Variants in PAPSS2 observed in about 807,000 individuals in gnomAD.
PAPSS2 encodes 3'-phosphoadenosine 5'-phosphosulfate synthase 2.
Under a neutral mutation model 66.5 loss-of-function variants are expected in PAPSS2, and 61 were observed. The observed-to-expected ratio is 0.92, with a 90% CI of 0.75 to 1.14. The LOEUF (loss-of-function observed/expected upper bound fraction) is 1.14. Among genes scored for constraint, PAPSS2 ranks in the 50% most tolerant of loss-of-function variants. The pLI is 0.00. For missense variants in PAPSS2, 708 were observed against 789.6 expected (o/e 0.90, Z 1.24); for synonymous variants, 289 against 287.5 (o/e 1.01, Z -0.05).
intron 1 of PAPSS2, among the ~76,000 whole-genome samples, chr10:87,690,761 C>T (rs778974014): frequency 7.9e-5 from 12 of 152,138 alleles, no homozygotes; most frequent in Non-Finnish European, 1.6e-4. Context: ...TAACTAAGAG[C>T]CAGACCCTGT....
intron 1 of PAPSS2, among the ~76,000 whole-genome samples, chr10:87,694,596 C>G (rs982022803): frequency 1.3e-5 from 2 of 152,130 alleles, no homozygotes; most frequent in Non-Finnish European, 2.9e-5. Flanking sequence ...ATAAACAGAC[C>G]TGCTGCTGAG....
At chr10:87,697,206 T>C (rs1361259030) in intron 1 of PAPSS2, among the ~76,000 whole-genome samples, 1 of 152,074 alleles carries the variant, frequency 6.6e-6, no homozygotes, top group Non-Finnish European at 1.5e-5. Flanking sequence ...TGTTTTCTGG[T>C]GATTAGAATA....
At chr10:87,681,883 T>A (rs1853026073) in intron 1 of PAPSS2, among the ~76,000 whole-genome samples, 1 of 152,246 alleles carries the variant, frequency 6.6e-6, no homozygotes, top group Non-Finnish European at 1.5e-5. Context: ...TACTTCATAC[T>A]TTTTATGGCT....
chr10:87,666,080 C>T (rs115615121), intron 1 of PAPSS2, among the ~76,000 whole-genome samples: 2,215 of 151,652 alleles, frequency 0.015, 62 homozygotes, highest in African/African-American at 0.05. Flanking sequence ...TCTCACGCCT[C>T]GGCCTCCCTA....
rs560241284 is a variant in PAPSS2 at position 87,678,231 on chromosome 10, T to C, written c.27+18223T>C. On this transcript the variant is annotated intron_variant, in intron 1 of 12. Transcript: ENST00000456849. ...CTTCAATAAATGGTGCTGGGAAAAT[T>C]GACGATCCATACACAGAAGATTGAA... 3.0e-4 allele frequency among the ~76,000 whole-genome samples: 45 copies of C among 152,248 alleles called. No individual in the cohort carries two copies. The South Asian group carries it at 9.3e-3, about 32-fold the overall frequency.
intron 1 of PAPSS2, chr10:87,704,088 A>T (rs1201133674): frequency 2.1e-6 from 1 of 468,496 alleles, no homozygotes; most frequent in East Asian, 5.9e-5. Context: ...TATAATTCAA[A>T]ATATCTGCTT....
intron 7 of PAPSS2, among the ~76,000 whole-genome samples, chr10:87,720,733 G>T (rs905129328): frequency 7.3e-5 from 9 of 123,976 alleles, no homozygotes; most frequent in Non-Finnish European, 1.5e-4. Context: ...TGTCTACTCA[G>T]TCCAAAAGCC....
intron 4 of PAPSS2, 34 bp from the exon 5 acceptor site, chr10:87,714,711 C>A: frequency 8.8e-7 from 1 of 1,134,452 alleles, no homozygotes; most frequent in Non-Finnish European, 1.3e-6. Context: ...TCTGTCAATA[C>A]AGATGCGATG....
chr10:87,698,311 T>C (rs182666741), intron 1 of PAPSS2, among the ~76,000 whole-genome samples: 1 of 152,350 alleles, frequency 6.6e-6, no homozygotes, highest in Admixed American at 6.5e-5. Context: ...AAGAAAATGA[T>C]AATTTTTGGT....
At chr10:87,693,386 C>T (rs1853194805) in intron 1 of PAPSS2, among the ~76,000 whole-genome samples, 1 of 152,158 alleles carries the variant, frequency 6.6e-6, no homozygotes, top group Non-Finnish European at 1.5e-5. Context: ...TTTAATTGTT[C>T]CCCAGCAGAG....
chr10:87,745,715 G>C, intron 12 of PAPSS2, 117 bp from the exon 13 acceptor site: 1 of 1,007,752 alleles, frequency 9.9e-7, no homozygotes. Flanking sequence ...GCCCACTTTT[G>C]AAGATGCAGC....
chr10:87,730,810 G>T (rs1003696363), intron 9 of PAPSS2, among the ~76,000 whole-genome samples: 6 of 152,176 alleles, frequency 3.9e-5, no homozygotes, highest in African/African-American at 9.7e-5. Context: ...TTCTATGAAG[G>T]TTGAGAGAGG....
intron 1 of PAPSS2, chr10:87,660,238 CT>C: frequency 1.6e-6 from 1 of 608,346 alleles, no homozygotes; most frequent in Non-Finnish European, 2.9e-6. Context: ...ATCTGCGCTC[CT>C]TGGGGTCGCC....
chr10:87,669,609 GTTAT>G (rs1440431837), intron 1 of PAPSS2, among the ~76,000 whole-genome samples: 1 of 152,160 alleles, frequency 6.6e-6, no homozygotes, highest in Non-Finnish European at 1.5e-5. Context: ...TGGAATGTGC[GTTAT>G]TTATCTGAAG....
intron 9 of PAPSS2, among the ~76,000 whole-genome samples, chr10:87,736,263 CTTTTT>C (rs10553485): frequency 3.9e-5 from 4 of 103,250 alleles, no homozygotes; most frequent in African/African-American, 1.5e-4. Flanking sequence ...TTCTTTCTTT[CTTTTT>C]TTTTTTTTTT....
At chr10:87,706,534 A>G (rs1853392290) in intron 1 of PAPSS2, among the ~76,000 whole-genome samples, 1 of 150,240 alleles carries the variant, frequency 6.7e-6, no homozygotes, top group Non-Finnish European at 1.5e-5. Context: ...AGGTGGGAGT[A>G]TCACTTGGGC....
chr10:87,724,755 T>C (rs892530822), intron 8 of PAPSS2, among the ~76,000 whole-genome samples: 1 of 149,208 alleles, frequency 6.7e-6, no homozygotes, highest in East Asian at 1.9e-4. Flanking sequence ...AATTATATAA[T>C]ATTTCTGATA....
At position 87,699,723 on chromosome 10, in the gene PAPSS2, G is replaced by A. The variant is rs55932093; in HGVS notation, c.28-9473G>A. Among the ~76,000 whole-genome samples the A allele has an allele frequency of 2.3e-3, 352 of 151,186 alleles. 2 individuals are homozygous for A. Among genetic ancestry groups the A allele is most frequent in the African/African-American group, 7.6e-3 (312 of 41,120 alleles). ...AAATTAGCTGGGCGTGGTGGTGTGC[G>A]CCTGTAATCCCAGATACTCGGGAGG... On this transcript the variant is annotated intron_variant, in intron 1 of 12. Transcript: ENST00000456849.
chr10:87,743,359 C>A lies in PAPSS2; in HGVS notation c.1223-14C>A. 1.2e-6 allele frequency: 2 copies of A among 1,612,850 alleles called. No individual in the cohort carries two copies. The highest frequency in any genetic ancestry group is 1.7e-6 in the Non-Finnish European group (2 of 1,179,860). ...TGTTTCTGTGACCTTCCTTCTTCTG[C>A]TTTCCTCTCCCAGATGCGGTGTTTG... On this transcript the variant is annotated splice_polypyrimidine_tract_variant and intron_variant, in intron 10 of 12. Coordinates refer to ENST00000456849, the MANE Select transcript of PAPSS2 (RefSeq NM_001015880.2).
Sources: gnomAD v4.1 joint callset for allele counts (sites outside exome capture counted in the v4.1 genomes callset) on GRCh38, gnomAD v4.1.1 for gene constraint, MANE v1.5 for transcripts, NCBI Gene and HGNC (gene_info 2026-07-23, HGNC 2026-07-21) for gene names.